The following CFDP1 variants were observed in gnomAD, a reference collection of about 807,000 sequenced individuals.
The protein encoded by CFDP1 is heterochromatin-stabilizing protein CFDP1.
In CFDP1, 31 loss-of-function variants were observed where a neutral mutation model predicts 40.1. The observed-to-expected ratio is 0.77, with a 90% CI of 0.58 to 1.04. CFDP1 has a LOEUF of 1.04. Among genes scored for constraint, CFDP1 ranks in the 50% least tolerant of loss-of-function variants. The pLI is 0.00. For missense variants in CFDP1, 423 were observed against 343.4 expected (o/e 1.23, Z -1.83); for synonymous variants, 167 against 120.0 (o/e 1.39, Z -2.56).
chr16:75,306,655 G>A (rs991079243), intron 5 of CFDP1: 1 of 152,190 alleles, frequency 6.6e-6, no homozygotes, highest in African/African-American at 2.4e-5. Flanking sequence ...AATAGACAAT[G>A]CAGATCCGGG....
At chr16:75,428,653 G>A (rs745476862) in intron 1 of CFDP1, among the ~76,000 whole-genome samples, 2 of 149,192 alleles carry the variant, frequency 1.3e-5, no homozygotes, top group Non-Finnish European at 3.0e-5. Flanking sequence ...AAAGAAGGGC[G>A]GAGAGGGAGA....
Position 75,304,965 on chromosome 16 carries a change from A to C in CFDP1, c.809+59T>G, listed in dbSNP as rs896983530. ...TACAGTGGGCAGTTTGTCTCCAATA[A>C]ATCATTTGATTTCAGGGTTCTGAGG... On this transcript the variant is annotated intron_variant, in intron 6 of 6. Transcript: ENST00000283882. 3.2e-6 allele frequency: 5 copies of C among 1,555,264 alleles called. No homozygotes were observed. The African/African-American group carries it at 4.1e-5, about 13-fold the overall frequency.
At chr16:75,352,711 A>T (rs901225215) in intron 5 of CFDP1, among the ~76,000 whole-genome samples, 28 of 152,322 alleles carry the variant, frequency 1.8e-4, no homozygotes, top group Admixed American at 9.8e-4. Flanking sequence ...TACTCTGAGT[A>T]CCCATACACC....
At chr16:75,393,591 C>T (rs947997684) in intron 5 of CFDP1, among the ~76,000 whole-genome samples, 2 of 150,372 alleles carry the variant, frequency 1.3e-5, no homozygotes, top group Middle Eastern at 3.2e-3. Flanking sequence ...ATTAGCCGGG[C>T]GCGGTGGCGG....
At chr16:75,339,049 A>C (rs181878497) in intron 5 of CFDP1, among the ~76,000 whole-genome samples, 22 of 152,096 alleles carry the variant, frequency 1.4e-4, no homozygotes, top group East Asian at 1.2e-3. Context: ...ACGTTCTGGG[A>C]AATTTTCTCC....
intron 6 of CFDP1, among the ~76,000 whole-genome samples, chr16:75,303,503 A>ACCCCCC (rs36137262): frequency 7.8e-6 from 1 of 128,074 alleles, no homozygotes; most frequent in Non-Finnish European, 1.6e-5. Flanking sequence ...TAGAAATATG[A>ACCCCCC]CCCCCCCCAA....
chr16:75,309,772 A>G (rs1286497950), intron 5 of CFDP1, among the ~76,000 whole-genome samples: 1 of 134,248 alleles, frequency 7.4e-6, no homozygotes. Context: ...GTGAGCCAAG[A>G]TCATGCCACT....
intron 1 of CFDP1, among the ~76,000 whole-genome samples, chr16:75,428,346 T>C (rs1486250750): frequency 1.3e-5 from 2 of 152,194 alleles, no homozygotes; most frequent in Admixed American, 1.3e-4. Context: ...CTGGGCTCAG[T>C]GGCTCACACC....
At chr16:75,330,340 A>G (rs1211966205) in intron 5 of CFDP1, among the ~76,000 whole-genome samples, 1 of 152,170 alleles carries the variant, frequency 6.6e-6, no homozygotes, top group Non-Finnish European at 1.5e-5. Context: ...TTATCCCAAC[A>G]CTTTGGGAGG....
chr16:75,422,692 G>A (rs2079293935), intron 1 of CFDP1, among the ~76,000 whole-genome samples: 2 of 151,276 alleles, frequency 1.3e-5, no homozygotes, highest in African/African-American at 4.9e-5. Flanking sequence ...ACCACATCCA[G>A]CCTCTTAGAG....
chr16:75,421,052 G>T (rs2079273520), intron 1 of CFDP1, among the ~76,000 whole-genome samples: 1 of 152,138 alleles, frequency 6.6e-6, no homozygotes, highest in South Asian at 2.1e-4. Flanking sequence ...CAGCCATGTG[G>T]GAGGGGGTCC....
intron 5 of CFDP1, among the ~76,000 whole-genome samples, chr16:75,334,732 A>G (rs1169529965): frequency 3.9e-5 from 6 of 152,284 alleles, no homozygotes; most frequent in South Asian, 4.1e-4. Context: ...ACGCAGGCGG[A>G]TAACTGGAGG....
Position 75,396,024 on chromosome 16 carries a change from T to C in CFDP1, c.531-815A>G, listed in dbSNP as rs181037508. Among the ~76,000 whole-genome samples the C allele has an allele frequency of 4.2e-5, 4 of 95,056 alleles. 1 individual carries two copies. Among genetic ancestry groups the C allele is most frequent in the Admixed American group, 2.8e-4 (2 of 7,180 alleles). The allele number at this position is 95,056 out of a possible 152,430, so 62.4% of individuals were successfully genotyped here. On this transcript the variant is annotated intron_variant, in intron 4 of 6. Coordinates refer to ENST00000283882, the MANE Select transcript of CFDP1 (RefSeq NM_006324.3). The stretch of plus-strand genomic sequence containing the variant: ...ATGCAGTCCATCTCCCCTCCATGAC[T>C]TCTCAGCATGAAACACACTGCAGCA...
intron 5 of CFDP1, among the ~76,000 whole-genome samples, chr16:75,344,143 T>C (rs892449840): frequency 6.6e-6 from 1 of 152,222 alleles, no homozygotes. Context: ...TGGATGAAAG[T>C]AACTAACTTT....
At chr16:75,378,980 T>C (rs183085738) in intron 5 of CFDP1, among the ~76,000 whole-genome samples, 1 of 152,012 alleles carries the variant, frequency 6.6e-6, no homozygotes, top group Admixed American at 6.5e-5. Context: ...AATGGAACAA[T>C]ACACTTCTAA....
intron 5 of CFDP1, among the ~76,000 whole-genome samples, chr16:75,314,952 A>T (rs1230163493): frequency 1.3e-5 from 2 of 152,074 alleles, no homozygotes; most frequent in Admixed American, 1.3e-4. Flanking sequence ...GGGTTTCACC[A>T]TGTTGGCCAG....
In CFDP1 at chr16:75,294,021, G is replaced by A. The variant is rs772842208; in HGVS notation, c.831C>T (p.Phe277=). The part of the protein sequence containing the change: ...GKEGYIERKA[F]LDRVDHRQFE... ...ACTGCCTGTGATCCACTCGGTCAAGGAAGGCTTTCCGTTCAATGTACCTAG... is the reference window on the plus strand; with the variant it reads ...ACTGCCTGTGATCCACTCGGTCAAGAAAGGCTTTCCGTTCAATGTACCTAG... Residue 277 remains phenylalanine (F), a synonymous_variant, in exon 7 of 7, where the codon TTC becomes TTT. Coordinates refer to ENST00000283882, the MANE Select transcript of CFDP1 (RefSeq NM_006324.3). The A allele has an allele frequency of 1.2e-5, 19 of 1,613,834 alleles. No individual in the cohort carries two copies. Among genetic ancestry groups the A allele is most frequent in the African/African-American group, 4.0e-5 (3 of 74,914 alleles).
chr16:75,313,311 G>A (rs1276896526), intron 5 of CFDP1, among the ~76,000 whole-genome samples: 3 of 152,192 alleles, frequency 2.0e-5, no homozygotes, highest in Admixed American at 6.5e-5. Flanking sequence ...AAGAACTTGT[G>A]CTACCAGGTA....
intron 5 of CFDP1, among the ~76,000 whole-genome samples, chr16:75,309,908 C>T (rs2078285276): frequency 6.7e-6 from 1 of 150,326 alleles, no homozygotes; most frequent in Admixed American, 6.6e-5. Context: ...AGCCATAGGG[C>T]AAGGTACTGC....
Sources: allele counts gnomAD v4.1 joint callset (sites outside exome capture counted in the v4.1 genomes callset), GRCh38; gene constraint gnomAD v4.1.1; transcripts MANE v1.5; gene names NCBI Gene and HGNC (gene_info 2026-07-23, HGNC 2026-07-21).